Variants in RAD51B observed in about 807,000 individuals in gnomAD.
RAD51B encodes the protein RAD51 paralog B, also known as DNA repair protein RAD51 homolog 2.
RAD51B carries 38 observed loss-of-function variants against 42.2 expected under a neutral mutation model. The observed-to-expected ratio is 0.90, with a 90% CI of 0.70 to 1.18. The LOEUF (loss-of-function observed/expected upper bound fraction) is 1.18. RAD51B is among the 50% of genes most tolerant of loss of function. The probability of loss-of-function intolerance (pLI) is 0.00; values close to 1 mark genes in which losing one functional copy is unlikely to be tolerated. For missense variants in RAD51B, 373 were observed against 400.7 expected (o/e 0.93, Z 0.59); for synonymous variants, 154 against 145.2 (o/e 1.06, Z -0.43).
At chr14:68,192,649 A>G (rs1261875782) in intron 7 of RAD51B, among the ~76,000 whole-genome samples, 1 of 152,196 alleles carries the variant, frequency 6.6e-6, no homozygotes, top group Non-Finnish European at 1.5e-5. Flanking sequence ...TGCTGATGTT[A>G]AGGTAAACAG....
intron 7 of RAD51B, among the ~76,000 whole-genome samples, chr14:68,203,391 C>T (rs1161538992): frequency 6.6e-6 from 1 of 152,130 alleles, no homozygotes; most frequent in Non-Finnish European, 1.5e-5. Context: ...AGCAGTAGGT[C>T]TCAACAGTGT....
chr14:68,502,818 A>G (rs1432332620), intron 10 of RAD51B, among the ~76,000 whole-genome samples: 5 of 152,152 alleles, frequency 3.3e-5, no homozygotes, highest in Admixed American at 3.3e-4. Flanking sequence ...GGAGACAAGA[A>G]TCCTCATTTA....
At chr14:68,346,469 AAAC>A (rs1167893392) in intron 8 of RAD51B, among the ~76,000 whole-genome samples, 1 of 152,180 alleles carries the variant, frequency 6.6e-6, no homozygotes, top group African/African-American at 2.4e-5. Context: ...CCCTTCCCCC[AAAC>A]AACCACTCGA....
intron 7 of RAD51B, among the ~76,000 whole-genome samples, chr14:68,049,227 G>A (rs1566605710): frequency 6.6e-6 from 1 of 152,074 alleles, no homozygotes; most frequent in Non-Finnish European, 1.5e-5. Flanking sequence ...GGAGCGGGGA[G>A]GGATAGCATT....
At chr14:67,835,353 GGTT>G (rs1162706613) in intron 4 of RAD51B, among the ~76,000 whole-genome samples, 157 bp downstream of exon 4, 3 of 152,254 alleles carry the variant, frequency 2.0e-5, no homozygotes, top group South Asian at 4.1e-4. Flanking sequence ...TACTTAGTGT[GGTT>G]GTTCTGCAAA....
chr14:68,060,679 A>G (rs562620224), intron 7 of RAD51B, among the ~76,000 whole-genome samples: 37 of 152,352 alleles, frequency 2.4e-4, no homozygotes, highest in African/African-American at 8.7e-4. Context: ...ATAAGAAGAC[A>G]CTGAAAGTTT....
intron 4 of RAD51B, among the ~76,000 whole-genome samples, chr14:67,856,026 A>G (rs751166884): frequency 5.9e-5 from 9 of 152,222 alleles, no homozygotes; most frequent in Non-Finnish European, 1.2e-4. Context: ...CTGCTCTGTA[A>G]TGGTTTACTA....
At chr14:68,079,623 G>A (rs530571453) in intron 7 of RAD51B, among the ~76,000 whole-genome samples, 54 of 152,146 alleles carry the variant, frequency 3.5e-4, no homozygotes, top group African/African-American at 1.2e-3. Context: ...AAATCTTTAT[G>A]TTGGTTTTTA....
rs118117371 is a variant in RAD51B at position 68,459,399 on chromosome 14, G to A, written c.958-8773G>A. 3.1e-3 allele frequency among the ~76,000 whole-genome samples: 474 copies of A among 152,300 alleles called. 1 individual carries two copies. The highest frequency in any genetic ancestry group is 5.4e-3 in the Non-Finnish European group (369 of 68,026). ...AACCCTGGCATGAAGGATTTCTGTC[G>A]CAGACACTTGGCATAGCTAGAGGAA... On this transcript the variant is annotated intron_variant, in intron 9 of 10. Coordinates refer to ENST00000471583, the MANE Select transcript of RAD51B (RefSeq NM_133510.4).
At chr14:68,243,956 T>A (rs964493015) in intron 7 of RAD51B, among the ~76,000 whole-genome samples, 4 of 152,218 alleles carry the variant, frequency 2.6e-5, no homozygotes, top group Non-Finnish European at 5.9e-5. Flanking sequence ...GATTATGGTA[T>A]CAGTTTCAAT....
At chr14:68,605,556 C>T (rs1046347648) in intron 10 of RAD51B, among the ~76,000 whole-genome samples, 1 of 152,232 alleles carries the variant, frequency 6.6e-6, no homozygotes, top group South Asian at 2.1e-4. Flanking sequence ...CTTTCTACAG[C>T]CTGTCCCAGG....
chr14:67,995,183 C>T (rs1260803005), intron 7 of RAD51B, among the ~76,000 whole-genome samples: 3 of 151,886 alleles, frequency 2.0e-5, no homozygotes, highest in Non-Finnish European at 2.9e-5. Context: ...GTCAAGAGAT[C>T]GAGACCATCT....
chr14:68,364,978 T>C (rs1275353593), intron 8 of RAD51B, among the ~76,000 whole-genome samples: 1 of 152,196 alleles, frequency 6.6e-6, no homozygotes, highest in Admixed American at 6.5e-5. Flanking sequence ...GACGCCCATG[T>C]CTGGGTGCTG....
At chr14:68,269,340 G>A (rs1403048038) in intron 7 of RAD51B, among the ~76,000 whole-genome samples, 1 of 152,190 alleles carries the variant, frequency 6.6e-6, no homozygotes, top group Non-Finnish European at 1.5e-5. Flanking sequence ...CCAAGGCACT[G>A]CCTGACTCAG....
At chr14:67,854,407 G>A (rs1453459605) in intron 4 of RAD51B, among the ~76,000 whole-genome samples, 2 of 149,792 alleles carry the variant, frequency 1.3e-5, no homozygotes, top group Non-Finnish European at 3.0e-5. Flanking sequence ...GCCGAGATGG[G>A]CAGATCACTT....
At chr14:68,653,073 T>G (rs2140140012) in intron 11 of RAD51B, among the ~76,000 whole-genome samples, 1 of 152,404 alleles carries the variant, frequency 6.6e-6, no homozygotes, top group East Asian at 1.9e-4. Context: ...TCAATATGCT[T>G]GTTCACTCAC....
At chr14:68,294,687 C>T (rs1178438418) in intron 8 of RAD51B, among the ~76,000 whole-genome samples, 1 of 152,244 alleles carries the variant, frequency 6.6e-6, no homozygotes, top group East Asian at 1.9e-4. Flanking sequence ...CAGGAGCATT[C>T]ACCCACTGAT....
chr14:67,952,603 A>G (rs76347795), intron 7 of RAD51B, among the ~76,000 whole-genome samples: 1 of 146,892 alleles, frequency 6.8e-6, no homozygotes, highest in African/African-American at 2.5e-5. Context: ...TTCTTCAAGG[A>G]AAAAAAAAAA....
At chr14:67,975,079 C>G (rs76137554) in intron 7 of RAD51B, among the ~76,000 whole-genome samples, 1 of 152,022 alleles carries the variant, frequency 6.6e-6, no homozygotes, top group Non-Finnish European at 1.5e-5. Flanking sequence ...AAAACTTAGC[C>G]GCTTTAAACA....
Sources: allele counts gnomAD v4.1 joint callset (sites outside exome capture counted in the v4.1 genomes callset), GRCh38; gene constraint gnomAD v4.1.1; transcripts MANE v1.5; gene names NCBI Gene and HGNC (gene_info 2026-07-23, HGNC 2026-07-21).